CHRNA7: variants seen among roughly 807,000 people sequenced by gnomAD.
CHRNA7 encodes the protein cholinergic receptor nicotinic alpha 7 subunit, also known as neuronal acetylcholine receptor subunit alpha-7.
A neutral mutation model predicts 48.0 loss-of-function variants in CHRNA7; 17 were observed. The observed-to-expected ratio is 0.35, with a 90% CI of 0.24 to 0.53. The LOEUF (loss-of-function observed/expected upper bound fraction) is 0.53. Among genes scored for constraint, CHRNA7 ranks in the 20% least tolerant of loss-of-function variants. CHRNA7 has a pLI of 0.92. For synonymous variants in CHRNA7, 75 were observed against 242.3 expected (o/e 0.31, Z 6.41); for missense variants, 155 against 577.7 (o/e 0.27, Z 7.50).
chr15:32,091,473 G>A (rs1348608471), intron 2 of CHRNA7, among the ~76,000 whole-genome samples: 4 of 152,120 alleles, frequency 2.6e-5, no homozygotes, highest in Admixed American at 6.6e-5. Flanking sequence ...AAGTTCCTAG[G>A]CTTTGTGAAT....
intron 4 of CHRNA7, among the ~76,000 whole-genome samples, chr15:32,131,130 A>G (rs2051148903): frequency 6.6e-6 from 1 of 151,620 alleles, no homozygotes; most frequent in Non-Finnish European, 1.5e-5. Flanking sequence ...TAATTTTTAG[A>G]TGTTTGATTA....
At chr15:32,075,744 A>G (rs2050126982) in intron 2 of CHRNA7, among the ~76,000 whole-genome samples, 1 of 151,058 alleles carries the variant, frequency 6.6e-6, no homozygotes, top group Non-Finnish European at 1.5e-5. Context: ...GCTCTCTGGG[A>G]AATTTTTTTT....
chr15:32,088,203 G>A (rs1054796287), intron 2 of CHRNA7, among the ~76,000 whole-genome samples: 19 of 152,070 alleles, frequency 1.2e-4, no homozygotes, highest in Admixed American at 7.2e-4. Flanking sequence ...TAGCCTTTTC[G>A]GCCTGGCTTC....
intron 2 of CHRNA7, among the ~76,000 whole-genome samples, chr15:32,068,528 C>T (rs546883362): frequency 6.6e-6 from 1 of 152,260 alleles, no homozygotes; most frequent in East Asian, 1.9e-4. Flanking sequence ...GCTAGAGCTA[C>T]AGTGGCTATA....
intron 2 of CHRNA7, among the ~76,000 whole-genome samples, chr15:32,068,176 G>T (rs1276895217): frequency 6.6e-6 from 1 of 152,068 alleles, no homozygotes; most frequent in Non-Finnish European, 1.5e-5. Flanking sequence ...GGTAGGCATG[G>T]TGACTCACAC....
At chr15:32,128,768 C>T (rs1723508639) in intron 4 of CHRNA7, among the ~76,000 whole-genome samples, 1 of 151,746 alleles carries the variant, frequency 6.6e-6, no homozygotes, top group Admixed American at 6.6e-5. Context: ...CCTTTACTTT[C>T]CTGGCTAGGA....
chr15:32,109,568 C>T (rs1490479922), intron 3 of CHRNA7, among the ~76,000 whole-genome samples: 3 of 152,196 alleles, frequency 2.0e-5, no homozygotes, highest in Non-Finnish European at 2.9e-5. Flanking sequence ...GGGAAAACAG[C>T]AGATGGGCAG....
At chr15:32,064,200 T>C (rs1394978855) in intron 2 of CHRNA7, among the ~76,000 whole-genome samples, 1 of 152,198 alleles carries the variant, frequency 6.6e-6, no homozygotes, top group Non-Finnish European at 1.5e-5. Context: ...GTTATAGTAC[T>C]GAAGTTGTCC....
At chr15:32,152,988 T>A (rs1392809) in intron 4 of CHRNA7, among the ~76,000 whole-genome samples, 144,482 of 152,134 alleles carry the variant, frequency 0.95, 69,082 homozygotes, top group East Asian at 1. Context: ...AGAGGGGCAG[T>A]GGTGCATCCG....
At position 32,130,971 on chromosome 15, in the gene CHRNA7, T is replaced by G. The variant is rs188419572; in HGVS notation, c.350+19072T>G. ...AGTGTACAGTAAGTTATTTCAGCAT[T>G]CGGAAACTGTCATACCACCTCCTGC... On this transcript the variant is annotated intron_variant, in intron 4 of 9. Coordinates refer to ENST00000306901, the MANE Select transcript of CHRNA7 (RefSeq NM_000746.6). Among the ~76,000 whole-genome samples, 127 of 152,220 alleles carry G rather than the reference T, an allele frequency of 8.3e-4. No individual in the cohort carries two copies. The Middle Eastern group carries it at 0.014, about 16-fold the overall frequency.
intron 4 of CHRNA7, among the ~76,000 whole-genome samples, chr15:32,114,077 C>CATAT: frequency 1.1e-5 from 1 of 93,830 alleles, no homozygotes; most frequent in Non-Finnish European, 2.1e-5. Flanking sequence ...TATATATATA[C>CATAT]ACATACATAC....
At chr15:32,034,694 C>T (rs1298988854) in intron 2 of CHRNA7, among the ~76,000 whole-genome samples, 3 of 152,130 alleles carry the variant, frequency 2.0e-5, no homozygotes, top group Non-Finnish European at 2.9e-5. Context: ...ATAGTCCAAA[C>T]CATGATATTT....
chr15:32,127,611 T>C (rs1185400320), intron 4 of CHRNA7, among the ~76,000 whole-genome samples: 1 of 152,158 alleles, frequency 6.6e-6, no homozygotes, highest in African/African-American at 2.4e-5. Flanking sequence ...CATTGAAATA[T>C]ATGTTCATGT....
At chr15:32,148,326 T>A (rs2051535767) in intron 4 of CHRNA7, among the ~76,000 whole-genome samples, 1 of 152,176 alleles carries the variant, frequency 6.6e-6, no homozygotes, top group South Asian at 2.1e-4. Flanking sequence ...GCTTTTTCTC[T>A]CAAGGTTATA....
At chr15:32,059,562 C>T (rs2049843151) in intron 2 of CHRNA7, among the ~76,000 whole-genome samples, 1 of 152,080 alleles carries the variant, frequency 6.6e-6, no homozygotes, top group African/African-American at 2.4e-5. Context: ...TGTGTACCTC[C>T]CACCACAGAC....
At chr15:32,142,044 T>C (rs1055627407) in intron 4 of CHRNA7, among the ~76,000 whole-genome samples, 1 of 152,164 alleles carries the variant, frequency 6.6e-6, no homozygotes, top group Non-Finnish European at 1.5e-5. Flanking sequence ...CAGTATGATA[T>C]TGGCTGGGGG....
chr15:32,112,750 G>T (rs1296939640), intron 4 of CHRNA7, among the ~76,000 whole-genome samples: 1 of 152,154 alleles, frequency 6.6e-6, no homozygotes, highest in African/African-American at 2.4e-5. Context: ...ATGGTCACTC[G>T]GTGATCCCGC....
intron 4 of CHRNA7, among the ~76,000 whole-genome samples, chr15:32,138,338 G>C (rs1383453919): frequency 3.3e-5 from 5 of 151,962 alleles, no homozygotes; most frequent in Admixed American, 1.3e-4. Context: ...TAGAAAAATA[G>C]ACCAAAAAGG....
chr15:32,053,109 C>A (rs1595390376), intron 2 of CHRNA7, among the ~76,000 whole-genome samples: 1 of 152,134 alleles, frequency 6.6e-6, no homozygotes, highest in African/African-American at 2.4e-5. Context: ...GGAGACAGAG[C>A]CCTGAAGAGG....
Sources: allele counts gnomAD v4.1 joint callset (sites outside exome capture counted in the v4.1 genomes callset), GRCh38; gene constraint gnomAD v4.1.1; transcripts MANE v1.5; gene names NCBI Gene and HGNC (gene_info 2026-07-23, HGNC 2026-07-21).